The following MS4A2 variants were observed in gnomAD, a reference collection of about 807,000 sequenced individuals.
MS4A2 encodes high affinity immunoglobulin epsilon receptor subunit beta.
A neutral mutation model predicts 27.9 loss-of-function variants in MS4A2; 26 were observed. The ratio of observed to expected loss-of-function variants is 0.93; its 90% CI spans 0.68 to 1.29. MS4A2 has a LOEUF of 1.29. Ranked by LOEUF, MS4A2 falls within the 50% of genes most tolerant of loss-of-function variation. MS4A2 has a pLI of 0.00. For missense variants in MS4A2, 284 were observed against 284.6 expected (o/e 1.00, Z 0.01); for synonymous variants, 110 against 98.8 (o/e 1.11, Z -0.67).
chr11:60,093,170 G>T (rs1349413546), intron 4 of MS4A2, among the ~76,000 whole-genome samples: 6 of 152,190 alleles, frequency 3.9e-5, no homozygotes, highest in Admixed American at 3.9e-4. Context: ...CAATTAAGGA[G>T]AATATTTGAG....
chr11:60,095,170 G>A (rs918782774), intron 6 of MS4A2, among the ~76,000 whole-genome samples: 2 of 152,162 alleles, frequency 1.3e-5, no homozygotes, highest in East Asian at 1.9e-4. Context: ...GCTGAGGCAG[G>A]AGAATTGCTT....
rs1469127801 is a variant in MS4A2 at position 60,096,530 on chromosome 11, T to A, written c.*874T>A. 3 of 152,188 alleles carry A rather than the reference T, an allele frequency of 2.0e-5. No individual in the cohort carries two copies. Among genetic ancestry groups the A allele is most frequent in the African/African-American group, 7.2e-5 (3 of 41,434 alleles). The allele number at this position is 152,188 out of a possible 1,614,324, so 9.4% of individuals were successfully genotyped here. A position where few individuals can be genotyped will look rare whatever the true frequency, so the allele number is the denominator to read the frequency against. On this transcript the variant is annotated 3_prime_UTR_variant, in exon 7 of 7. Transcript: ENST00000278888. ...GAATAAAGTTAGACAAGCAACTGGT[T>A]GACTAATACATTAAGCGTTTGAGTC...
At chr11:60,093,317 C>G in intron 4 of MS4A2, 83 bp from the exon 5 acceptor site, 3 of 1,561,728 alleles carry the variant, frequency 1.9e-6, no homozygotes, top group Non-Finnish European at 2.6e-6. Context: ...TTACTGGATG[C>G]ATCCAGCCCT....
intron 6 of MS4A2, among the ~76,000 whole-genome samples, 198 bp from the exon 7 acceptor site, chr11:60,095,360 A>G (rs1415291721): frequency 6.6e-6 from 1 of 152,240 alleles, no homozygotes; most frequent in Admixed American, 6.5e-5. Flanking sequence ...CTTGTCATTG[A>G]CTGACATGAT....
chr11:60,096,024 G>GTT lies in MS4A2; in HGVS notation c.*382_*383dup, dbSNP rs5792168. The GTT allele has an allele frequency of 9.5e-4, 207 of 218,628 alleles. 1 individual carries two copies. The highest frequency in any genetic ancestry group is 1.7e-3 in the South Asian group (27 of 16,230). 13.5% of individuals were successfully genotyped at this position (218,628 alleles called of 1,614,324 possible). A position where few individuals can be genotyped will look rare whatever the true frequency, so the allele number is the denominator to read the frequency against. ...AGTTTGATAATATTTGGTTCTTAGG[G>GTT]TTTTTTTTTTTTTTTAGCATTCTTA... On this transcript the variant is annotated 3_prime_UTR_variant, in exon 7 of 7. Transcript: ENST00000278888.
At position 60,088,817 on chromosome 11, in the gene MS4A2, T is replaced by C. The variant is rs374075694; in HGVS notation, c.52T>C (p.Ser18Pro). The C allele has an allele frequency of 9.8e-5, 158 of 1,610,008 alleles. No homozygotes were observed. The highest frequency in any genetic ancestry group is 1.3e-4 in the Non-Finnish European group (150 of 1,177,684). The change falls in exon 1 of 7, where the codon TCC (serine) becomes CCC (proline). Residue 18 changes from serine (S) to proline (P), a missense_variant. Ser to Pro is a moderately conservative substitution (Grantham distance 74). Coordinates refer to ENST00000278888, the MANE Select transcript of MS4A2 (RefSeq NM_000139.5). ...AAATCTTGCTCTCCCACAGGAGCCTTCCAGGTAGGTACAAGGTATTATTTT... is the reference window on the plus strand; with the variant it reads ...AAATCTTGCTCTCCCACAGGAGCCTCCCAGGTAGGTACAAGGTATTATTTT... The part of the protein sequence containing the change: ...RANLALPQEP[S>P]SVPAFEVLEI...
rs189182872 is a variant in MS4A2, at chr11:60,095,240, G to A, written c.637-318G>A. On this transcript the variant is annotated intron_variant, in intron 6 of 6. Coordinates refer to ENST00000278888, the MANE Select transcript of MS4A2 (RefSeq NM_000139.5). ...TCGTGGCCACTGCACTCCAGCCTGG[G>A]TGACATAGTGAGATTCTGTCTCAAA... is the stretch of plus-strand genomic sequence containing the variant. 6.2e-3 allele frequency among the ~76,000 whole-genome samples: 946 copies of A among 152,272 alleles called. 12 individuals carry two copies. Among genetic ancestry groups the A allele is most frequent in the African/African-American group, 0.021 (875 of 41,536 alleles).
intron 3 of MS4A2, among the ~76,000 whole-genome samples, chr11:60,092,515 T>C (rs927548714): frequency 6.6e-6 from 1 of 152,088 alleles, no homozygotes; most frequent in African/African-American, 2.4e-5. Context: ...AGGCTGGTCT[T>C]GAACTCATGA....
rs1565073356 is a variant in MS4A2 at position 60,088,821 on chromosome 11, G to A, written c.56G>A (p.Ser19Asn). The change falls in exon 1 of 7, where the codon AGT (serine) becomes AAT (asparagine). Residue 19 changes from serine to asparagine, a missense_variant and splice_region_variant. Transcript: ENST00000278888. ...ANLALPQEPS[S>N]VPAFEVLEIS... ...CTTGCTCTCCCACAGGAGCCTTCCAGGTAGGTACAAGGTATTATTTTTTTC... is the reference window on the plus strand; with the variant it reads ...CTTGCTCTCCCACAGGAGCCTTCCAAGTAGGTACAAGGTATTATTTTTTTC... 1.2e-6 allele frequency: 2 copies of A among 1,609,434 alleles called. No homozygotes were observed. The highest frequency in any genetic ancestry group is 1.7e-4 in the Middle Eastern group (1 of 6,056).
upstream of MS4A2, chr11:60,088,455 C>A (rs569868764): frequency 6.2e-4 from 209 of 338,158 alleles, 3 homozygotes; most frequent in South Asian, 8.8e-3. Flanking sequence ...TAAAATGTCT[C>A]ATTTTCAGGT....
In MS4A2 at chr11:60,092,990, C is replaced by T. The variant is rs545936635; in HGVS notation, c.378+142C>T. 5.7e-5 allele frequency: 48 copies of T among 846,266 alleles called. No homozygotes were observed. In the South Asian group the frequency reaches 7.1e-4, roughly 12 times the overall value. 52.4% of individuals were successfully genotyped at this position (846,266 alleles called of 1,614,324 possible). ...GATTTTGTTTCAATCTATTTTGTGT[C>T]CTAAGGCTTTTTGCAACAGAAGTTG... On this transcript the variant is annotated intron_variant, in intron 4 of 6. Transcript: ENST00000278888.
chr11:60,089,841 C>G lies in MS4A2; in HGVS notation c.186+20C>G. 6.2e-7 allele frequency: 1 copy of G among 1,613,726 alleles called. No homozygotes were observed. The highest frequency in any genetic ancestry group is 8.5e-7 in the Non-Finnish European group (1 of 1,179,936). ...CTGGGGGTGAGTGAGCCTCCTCCAA[C>G]TTTGACTAGAGTAAGGGTTGGGTCT... On this transcript the variant is annotated intron_variant, in intron 2 of 6. Coordinates refer to ENST00000278888, the MANE Select transcript of MS4A2 (RefSeq NM_000139.5).
In MS4A2 at chr11:60,088,749, G is replaced by A; in HGVS notation, c.-17G>A. The A allele has an allele frequency of 6.2e-7, 1 of 1,608,794 alleles. No individual in the cohort carries two copies. On this transcript the variant is annotated 5_prime_UTR_variant, in exon 1 of 7. Transcript: ENST00000278888. Reference sequence around the variant, plus strand: ...TAATAATATTCTTTATTCCTGGACAGCTCGGTTAATGAAAAAATGGACACA... The same window carrying A: ...TAATAATATTCTTTATTCCTGGACAACTCGGTTAATGAAAAAATGGACACA...
chr11:60,088,887 G>A, intron 1 of MS4A2, 66 bp downstream of exon 1: 1 of 1,463,718 alleles, frequency 6.8e-7, no homozygotes, highest in Non-Finnish European at 9.5e-7. Context: ...CATAGTCACG[G>A]TGCTTAGGAG....
rs1855804719 is a variant in MS4A2, at chr11:60,093,429, C to T, written c.408C>T (p.Ala136=). 1 of 1,614,044 alleles carries T rather than the reference C, an allele frequency of 6.2e-7. No homozygotes were observed. Among genetic ancestry groups the T allele is most frequent in the Non-Finnish European group, 8.5e-7 (1 of 1,180,044 alleles). ...LVRGSLGANT[A]SSIAGGTGIT... ...GAGGAAGCCTGGGAGCAAACACTGC[C>T]AGCAGCATAGCTGGGGGAACGGGAA... The change falls in exon 5 of 7, where the codon GCC becomes GCT. Residue 136 remains alanine (A), a synonymous_variant. Transcript: ENST00000278888.
intron 1 of MS4A2, 117 bp downstream of exon 1, chr11:60,088,938 AT>A: frequency 9.6e-7 from 1 of 1,045,606 alleles, no homozygotes; most frequent in Admixed American, 2.0e-5. Flanking sequence ...ATCTAGTTTA[AT>A]TAATATATTG....
chr11:60,090,390 T>A lies in MS4A2; in HGVS notation c.241T>A (p.Ser81Thr), dbSNP rs1469541234. The A allele has an allele frequency of 6.2e-7, 1 of 1,613,500 alleles. No homozygotes were observed. The highest frequency in any genetic ancestry group is 2.2e-5 in the East Asian group (1 of 44,826). The part of the protein sequence containing the change: ...ICLCFGTVVC[S>T]VLDISHIEGD... ...CCTTTGTTTTGGAACAGTTGTCTGC[T>A]CTGTACTTGATATTTCACACATTGA... is the stretch of plus-strand genomic sequence containing the variant. The change falls in exon 3 of 7, where the codon TCT (serine) becomes ACT (threonine). Residue 81 changes from serine (S) to threonine (T), a missense_variant. Coordinates refer to ENST00000278888, the MANE Select transcript of MS4A2 (RefSeq NM_000139.5).
chr11:60,089,654 G>C (rs952442221), intron 1 of MS4A2, 38 bp from the exon 2 acceptor site: 34 of 1,613,704 alleles, frequency 2.1e-5, no homozygotes, highest in Non-Finnish European at 2.6e-5. Flanking sequence ...GGGAGTTACA[G>C]AATGTTCTCA....
chr11:60,093,573 T>G lies in MS4A2; in HGVS notation c.537+15T>G, dbSNP rs146256356. 1,794 of 1,614,124 alleles carry G rather than the reference T, an allele frequency of 1.1e-3. 1 individual carries two copies. Among genetic ancestry groups the G allele is most frequent in the Middle Eastern group, 1.6e-3 (10 of 6,062 alleles). ...CCTTTTCCACTGTATGTATTTTTTT[T>G]TGTGTGGGAAGACTAAGATTCTGGG... On this transcript the variant is annotated intron_variant, in intron 5 of 6. Coordinates refer to ENST00000278888, the MANE Select transcript of MS4A2 (RefSeq NM_000139.5).
Sources: gnomAD v4.1 joint callset for allele counts (sites outside exome capture counted in the v4.1 genomes callset) on GRCh38, gnomAD v4.1.1 for gene constraint, MANE v1.5 for transcripts, NCBI Gene and HGNC (gene_info 2026-07-23, HGNC 2026-07-21) for gene names.